Variants in AOAH observed in about 807,000 individuals in gnomAD.
AOAH encodes acyloxyacyl hydrolase.
Under a neutral mutation model 92.2 loss-of-function variants are expected in AOAH, and 64 were observed. That is an observed-to-expected ratio of 0.69 (90% CI 0.57 to 0.86). AOAH has a LOEUF of 0.86. Among genes scored for constraint, AOAH ranks in the 40% least tolerant of loss-of-function variants. AOAH has a pLI of 0.00. For missense variants in AOAH, 656 were observed against 694.6 expected, an observed-to-expected ratio of 0.94 and a Z score of 0.62; for synonymous variants, 263 against 254.5, an observed-to-expected ratio of 1.03 and a Z score of -0.32.
At chr7:36,550,548 C>A (rs538386763) in intron 13 of AOAH, among the ~76,000 whole-genome samples, 1 of 152,334 alleles carries the variant, frequency 6.6e-6, no homozygotes, top group South Asian at 2.1e-4. Context: ...ATTCGAAGAA[C>A]TGCAGTTCAT....
intron 1 of AOAH, among the ~76,000 whole-genome samples, chr7:36,714,912 G>T (rs905642453): frequency 8.5e-5 from 13 of 152,118 alleles, no homozygotes; most frequent in Middle Eastern, 3.4e-3. Flanking sequence ...CTTTGAAAAC[G>T]GGCATAAGAC....
At chr7:36,554,151 A>G (rs202154774) in intron 13 of AOAH, among the ~76,000 whole-genome samples, 38 of 152,284 alleles carry the variant, frequency 2.5e-4, no homozygotes, top group Non-Finnish European at 5.1e-4. Flanking sequence ...ATCTTGAATT[A>G]ATTTTTGTAT....
intron 4 of AOAH, among the ~76,000 whole-genome samples, chr7:36,651,945 G>T (rs1794603653): frequency 6.6e-6 from 1 of 152,072 alleles, no homozygotes; most frequent in African/African-American, 2.4e-5. Flanking sequence ...GTATACATGG[G>T]TTGTATACAC....
chr7:36,724,171 G>A lies in AOAH; in HGVS notation c.-23C>T. The A allele has an allele frequency of 6.2e-7, 1 of 1,610,552 alleles. No individual in the cohort carries two copies. The highest frequency in any genetic ancestry group is 8.5e-7 in the Non-Finnish European group (1 of 1,177,932). On this transcript the variant is annotated 5_prime_UTR_variant, in exon 1 of 21. Coordinates refer to ENST00000617537, the MANE Select transcript of AOAH (RefSeq NM_001637.4). ...CATCTCCGAGCTATGCACCCCAAGT[G>A]ATCACCCGGCTTTGGAAGCTCCCAA...
chr7:36,631,331 G>C (rs1168617347), intron 6 of AOAH, among the ~76,000 whole-genome samples: 1 of 147,918 alleles, frequency 6.8e-6, no homozygotes, highest in Non-Finnish European at 1.5e-5. Flanking sequence ...TGGGCAACAA[G>C]AGCGACACTC....
intron 12 of AOAH, among the ~76,000 whole-genome samples, chr7:36,577,681 T>TA (rs1367015013): frequency 2.0e-5 from 3 of 152,334 alleles, no homozygotes; most frequent in Admixed American, 6.5e-5. Flanking sequence ...TAGATGTAAG[T>TA]AGTTTAATTA....
At chr7:36,573,000 A>T (rs1332701431) in intron 13 of AOAH, among the ~76,000 whole-genome samples, 2 of 152,180 alleles carry the variant, frequency 1.3e-5, no homozygotes, top group East Asian at 3.8e-4. Flanking sequence ...GTGCTCAATG[A>T]ACCATGATCC....
chr7:36,668,572 C>T (rs1290064627), intron 3 of AOAH, among the ~76,000 whole-genome samples: 2 of 152,192 alleles, frequency 1.3e-5, no homozygotes, highest in African/African-American at 4.8e-5. Context: ...CTGCAACCTT[C>T]GCCTCCTGGG....
chr7:36,616,384 G>T lies in AOAH; in HGVS notation c.842C>A (p.Ser281Tyr). 6.2e-7 allele frequency: 1 copy of T among 1,613,166 alleles called. No homozygotes were observed. The highest frequency in any genetic ancestry group is 8.5e-7 in the Non-Finnish European group (1 of 1,179,160). Residue 281 changes from serine to tyrosine, a missense_variant, in exon 11 of 21, where the codon TCT (serine) becomes TAT (tyrosine). Coordinates refer to ENST00000617537, the MANE Select transcript of AOAH (RefSeq NM_001637.4). The part of the protein sequence containing the change: ...SPEWITASQM[S>Y]LNSFINLPTA... Reference sequence around the variant, plus strand: ...ATTACTGCCAAAATTACTTACCAAAGACATCTGCGACGCTGTGATCCATTC... The same window carrying T: ...ATTACTGCCAAAATTACTTACCAAATACATCTGCGACGCTGTGATCCATTC...
At chr7:36,622,037 G>A (rs1294740470) in intron 7 of AOAH, among the ~76,000 whole-genome samples, 1 of 152,182 alleles carries the variant, frequency 6.6e-6, no homozygotes, top group Admixed American at 6.5e-5. Flanking sequence ...ATGTATGTGT[G>A]TGTGTGTGAC....
At chr7:36,520,708 GAA>G (rs34390772) in intron 20 of AOAH, among the ~76,000 whole-genome samples, 71,726 of 134,582 alleles carry the variant, frequency 0.53, 18,378 homozygotes, top group East Asian at 0.68. Context: ...TCTGTCTCGA[GAA>G]AAAAAAAAAA....
At chr7:36,644,296 C>T (rs566983705) in intron 4 of AOAH, among the ~76,000 whole-genome samples, 4 of 151,950 alleles carry the variant, frequency 2.6e-5, no homozygotes, top group Admixed American at 6.5e-5. Flanking sequence ...CATGATTTTT[C>T]ACTCTGCGCT....
chr7:36,581,876 C>G (rs895239112), intron 12 of AOAH, among the ~76,000 whole-genome samples: 1 of 152,172 alleles, frequency 6.6e-6, no homozygotes, highest in Admixed American at 6.6e-5. Context: ...GTAAAAGATA[C>G]TGCTTTCTTT....
At chr7:36,723,492 C>A (rs1377533980) in intron 1 of AOAH, among the ~76,000 whole-genome samples, 1 of 152,188 alleles carries the variant, frequency 6.6e-6, no homozygotes, top group Admixed American at 6.5e-5. Context: ...TTACTGTGTG[C>A]ACATGCCACA....
chr7:36,532,410 G>C (rs367864605), intron 16 of AOAH, 66 bp from the exon 17 acceptor site: 22 of 1,457,812 alleles, frequency 1.5e-5, no homozygotes, highest in Admixed American at 5.0e-5. Flanking sequence ...AGGCACCTGG[G>C]GGCTTCCCTG....
At chr7:36,657,751 C>T (rs1056764895) in intron 4 of AOAH, among the ~76,000 whole-genome samples, 1 of 152,142 alleles carries the variant, frequency 6.6e-6, no homozygotes, top group African/African-American at 2.4e-5. Flanking sequence ...CGAAATTTTA[C>T]AGAGTTAGGA....
chr7:36,656,495 G>A (rs999109522), intron 4 of AOAH, among the ~76,000 whole-genome samples: 2 of 151,816 alleles, frequency 1.3e-5, no homozygotes, highest in Admixed American at 1.3e-4. Context: ...GAGAAAGGAC[G>A]AGAGAGAGAG....
At chr7:36,517,288 CTTTCTTT>C (rs1783841297) in intron 20 of AOAH, among the ~76,000 whole-genome samples, 2 of 127,906 alleles carry the variant, frequency 1.6e-5, no homozygotes, top group African/African-American at 5.6e-5. Context: ...TTCTTTCTTT[CTTTCTTT>C]CCTTTCTTCT....
intron 16 of AOAH, among the ~76,000 whole-genome samples, chr7:36,535,200 T>G (rs1438279666): frequency 2.0e-5 from 3 of 151,972 alleles, no homozygotes; most frequent in African/African-American, 7.3e-5. Flanking sequence ...GTGTGTGTTG[T>G]GGGGAGCCAG....
Sources: gnomAD v4.1 joint callset for allele counts (sites outside exome capture counted in the v4.1 genomes callset) on GRCh38, gnomAD v4.1.1 for gene constraint, MANE v1.5 for transcripts, NCBI Gene and HGNC (gene_info 2026-07-23, HGNC 2026-07-21) for gene names.